Variants in CMC1 observed in about 807,000 individuals in gnomAD.
CMC1 encodes the protein C-X9-C motif containing 1.
In CMC1, 14 loss-of-function variants were observed where a neutral mutation model predicts 14.1. The ratio of observed to expected loss-of-function variants is 0.99; its 90% CI spans 0.66 to 1.55. The LOEUF (loss-of-function observed/expected upper bound fraction) is 1.55, where lower values mean the gene tolerates loss of function less well. Ranked by LOEUF, CMC1 falls within the 40% of genes most tolerant of loss-of-function variation. The pLI, the probability that CMC1 is intolerant of heterozygous loss-of-function variation, is 0.00. For synonymous variants in CMC1, 50 were observed against 38.4 expected, an observed-to-expected ratio of 1.30 and a Z score of -1.12; for missense variants, 127 against 123.8, an observed-to-expected ratio of 1.03 and a Z score of -0.12.
rs1015694741 is a variant in CMC1 at position 28,324,113 on chromosome 3, AAGTTTT to A, written c.*4496_*4501del. 3.7e-6 allele frequency: 6 copies of A among 1,610,362 alleles called. No homozygotes were observed. Among genetic ancestry groups the A allele is most frequent in the African/African-American group, 2.7e-5 (2 of 74,702 alleles). On this transcript the variant is annotated 3_prime_UTR_variant, in exon 4 of 4. Coordinates refer to ENST00000466830, the MANE Select transcript of CMC1 (RefSeq NM_182523.2). ...AGTGGTGGAAGGTTGGGTAAAGGCAAAGTTTTAGTTTTAGTTTCCCCAAATGCTGTC... is the reference window on the plus strand; with the variant it reads ...AGTGGTGGAAGGTTGGGTAAAGGCAAAGTTTTAGTTTCCCCAAATGCTGTC...
At chr3:28,288,288 G>C (rs928719087) in intron 2 of CMC1, among the ~76,000 whole-genome samples, 1 of 151,988 alleles carries the variant, frequency 6.6e-6, no homozygotes, top group Non-Finnish European at 1.5e-5. Flanking sequence ...TTATCATAAA[G>C]AGTAGCATAT....
chr3:28,315,892 C>G (rs964159730), intron 2 of CMC1: 1 of 154,048 alleles, frequency 6.5e-6, no homozygotes, highest in Non-Finnish European at 1.4e-5. Flanking sequence ...TGTGTAAGTA[C>G]ACTCTGATCT....
At chr3:28,282,086 T>C (rs1700926862) in intron 2 of CMC1, among the ~76,000 whole-genome samples, 1 of 152,192 alleles carries the variant, frequency 6.6e-6, no homozygotes, top group Admixed American at 6.5e-5. Flanking sequence ...TTTATTCATT[T>C]TTTTCCTCTT....
At chr3:28,314,758 A>G (rs886868418) in intron 2 of CMC1, among the ~76,000 whole-genome samples, 13 of 152,076 alleles carry the variant, frequency 8.5e-5, no homozygotes, top group African/African-American at 2.9e-4. Context: ...TTGTCCCAGC[A>G]AGGCCCCCCT....
intron 1 of CMC1, among the ~76,000 whole-genome samples, chr3:28,262,809 C>T (rs913444351): frequency 2.0e-5 from 3 of 152,228 alleles, no homozygotes; most frequent in Admixed American, 6.5e-5. Context: ...AAATCACACA[C>T]GCTTTGTTTT....
Position 28,241,715 on chromosome 3 carries a change from G to C in CMC1, c.-79G>C. On this transcript the variant is annotated 5_prime_UTR_variant, in exon 1 of 4. Coordinates refer to ENST00000466830, the MANE Select transcript of CMC1 (RefSeq NM_182523.2). ...TCCCGGGGGTCGCACGTGCGTCCGA[G>C]CCCAAGCCCCTCCCCTCCACTCCCC... 2 of 1,238,850 alleles carry C rather than the reference G, an allele frequency of 1.6e-6. No homozygotes were observed. The highest frequency in any genetic ancestry group is 1.0e-6 in the Non-Finnish European group (1 of 987,926). 76.7% of individuals were successfully genotyped at this position (1,238,850 alleles called of 1,614,324 possible).
At chr3:28,291,310 T>G (rs540444028) in intron 2 of CMC1, among the ~76,000 whole-genome samples, 1 of 152,166 alleles carries the variant, frequency 6.6e-6, no homozygotes, top group Non-Finnish European at 1.5e-5. Flanking sequence ...TCTTGGAAGC[T>G]GTCTTCCAAA....
intron 3 of CMC1, chr3:28,316,672 C>T (rs377048411): frequency 7.2e-6 from 2 of 276,280 alleles, no homozygotes; most frequent in East Asian, 6.3e-5. Context: ...TGATTTTTCA[C>T]TATTTAATAA....
chr3:28,256,591 TA>T (rs1363965377), intron 1 of CMC1, among the ~76,000 whole-genome samples: 3 of 152,188 alleles, frequency 2.0e-5, no homozygotes, highest in Admixed American at 2.0e-4. Context: ...GAACTGAGAA[TA>T]ATCTTTGTTT....
chr3:28,300,436 A>G (rs1394411061), intron 2 of CMC1, among the ~76,000 whole-genome samples: 1 of 152,124 alleles, frequency 6.6e-6, no homozygotes, highest in African/African-American at 2.4e-5. Flanking sequence ...AGGGTTCCCC[A>G]CCTAGTTGTT....
chr3:28,314,464 A>G (rs1328881701), intron 2 of CMC1, among the ~76,000 whole-genome samples: 1 of 152,200 alleles, frequency 6.6e-6, no homozygotes, highest in East Asian at 1.9e-4. Flanking sequence ...GTTGGAATAA[A>G]GAAGATACTT....
chr3:28,289,288 AT>A (rs1311528708), intron 2 of CMC1, among the ~76,000 whole-genome samples: 2 of 151,936 alleles, frequency 1.3e-5, no homozygotes, highest in Non-Finnish European at 2.9e-5. Flanking sequence ...GCTAGGTATC[AT>A]TTAGATAGTT....
chr3:28,282,033 A>T (rs560154887), intron 2 of CMC1, among the ~76,000 whole-genome samples: 1 of 151,256 alleles, frequency 6.6e-6, no homozygotes, highest in South Asian at 2.1e-4. Flanking sequence ...ATTTCTGGTT[A>T]AAAAAAATCA....
chr3:28,267,112 T>C (rs1700041613), intron 2 of CMC1, among the ~76,000 whole-genome samples: 1 of 152,212 alleles, frequency 6.6e-6, no homozygotes, highest in African/African-American at 2.4e-5. Context: ...ATTTCAACTT[T>C]TGTCTTTTTC....
chr3:28,274,744 A>G (rs1700488395), intron 2 of CMC1, among the ~76,000 whole-genome samples: 1 of 150,638 alleles, frequency 6.6e-6, no homozygotes, highest in African/African-American at 2.4e-5. Context: ...TCTTTCAGGT[A>G]CCTTAATCAG....
chr3:28,273,468 TTTG>T (rs1233496787), intron 2 of CMC1, among the ~76,000 whole-genome samples: 4 of 152,180 alleles, frequency 2.6e-5, no homozygotes, highest in African/African-American at 9.7e-5. Context: ...TGAGAGACTG[TTTG>T]TTATGATTTC....
chr3:28,261,942 C>T (rs760665000), intron 1 of CMC1, among the ~76,000 whole-genome samples: 4 of 152,222 alleles, frequency 2.6e-5, no homozygotes, highest in Non-Finnish European at 4.4e-5. Flanking sequence ...AGTTCAAACC[C>T]GTGTCGTTCA....
At chr3:28,261,430 A>G (rs1415220319) in intron 1 of CMC1, among the ~76,000 whole-genome samples, 1 of 152,146 alleles carries the variant, frequency 6.6e-6, no homozygotes, top group Non-Finnish European at 1.5e-5. Flanking sequence ...TCTGGTTTAC[A>G]GTCCTAACTG....
rs2125624102 is a variant in CMC1 at position 28,320,345 on chromosome 3, GT to G, written c.*720del. The stretch of plus-strand genomic sequence containing the variant: ...TATTTGCCAGCAGCTTCTGGCAAGG[GT>G]TTTCATACTGCATCAAAACATAATA... On this transcript the variant is annotated 3_prime_UTR_variant, in exon 4 of 4. Transcript: ENST00000466830. The G allele has an allele frequency of 6.6e-6, 1 of 151,608 alleles. No homozygotes were observed. Among genetic ancestry groups the G allele is most frequent in the Non-Finnish European group, 1.5e-5 (1 of 67,644 alleles). The allele number at this position is 151,608 out of a possible 1,614,324, so 9.4% of individuals were successfully genotyped here.
Sources: gnomAD v4.1 joint callset for allele counts (sites outside exome capture counted in the v4.1 genomes callset) on GRCh38, gnomAD v4.1.1 for gene constraint, MANE v1.5 for transcripts, NCBI Gene and HGNC (gene_info 2026-07-23, HGNC 2026-07-21) for gene names.